ENOX1: variants seen among roughly 807,000 people sequenced by gnomAD.
The protein encoded by ENOX1 is candidate growth-related and time keeping constitutive hydroquinone (NADH) oxidase.
In ENOX1, 42 loss-of-function variants were observed where a neutral mutation model predicts 82.5. The observed-to-expected ratio is 0.51, with a 90% confidence interval of 0.40 to 0.66. The LOEUF (loss-of-function observed/expected upper bound fraction) is 0.66. ENOX1 is among the 30% of genes least tolerant of loss of function. The pLI is 0.00. For missense variants in ENOX1, 608 were observed against 811.6 expected, an observed-to-expected ratio of 0.75 and a Z score of 3.05; for synonymous variants, 271 against 282.2, an observed-to-expected ratio of 0.96 and a Z score of 0.40.
intron 1 of ENOX1, among the ~76,000 whole-genome samples, chr13:43,760,009 C>T (rs1164249043): frequency 6.6e-6 from 1 of 152,172 alleles, no homozygotes; most frequent in African/African-American, 2.4e-5. Flanking sequence ...AAATTATGCA[C>T]AATGGTGGAG....
At chr13:43,635,637 T>C (rs567340135) in intron 2 of ENOX1, among the ~76,000 whole-genome samples, 83 of 152,246 alleles carry the variant, frequency 5.5e-4, no homozygotes, top group African/African-American at 1.9e-3. Flanking sequence ...AATTATCCAA[T>C]ATAAAATATG....
chr13:43,333,022 T>G, intron 9 of ENOX1, among the ~76,000 whole-genome samples: 1 of 152,208 alleles, frequency 6.6e-6, no homozygotes, highest in Non-Finnish European at 1.5e-5. Flanking sequence ...ATGAGAAACC[T>G]TTTTTACTTA....
At chr13:43,466,389 A>C (rs1484061814) in intron 3 of ENOX1, among the ~76,000 whole-genome samples, 1 of 152,168 alleles carries the variant, frequency 6.6e-6, no homozygotes, top group East Asian at 1.9e-4. Context: ...TTAATATAAT[A>C]AAAAATTCCT....
At chr13:43,751,884 G>A (rs1950340552) in intron 1 of ENOX1, among the ~76,000 whole-genome samples, 1 of 152,058 alleles carries the variant, frequency 6.6e-6, no homozygotes, top group South Asian at 2.1e-4. Flanking sequence ...CTTTCCTCTT[G>A]GGGAAAAACT....
chr13:43,680,779 A>G (rs1028262173), intron 1 of ENOX1, among the ~76,000 whole-genome samples: 2 of 152,186 alleles, frequency 1.3e-5, no homozygotes, highest in African/African-American at 2.4e-5. Flanking sequence ...CAACCCATGA[A>G]CTATTTTTTT....
At chr13:43,615,439 C>A (rs1434662598) in intron 2 of ENOX1, among the ~76,000 whole-genome samples, 1 of 152,116 alleles carries the variant, frequency 6.6e-6, no homozygotes, top group Non-Finnish European at 1.5e-5. Context: ...CCGGGGCCCA[C>A]ACAGGCCCCT....
At chr13:43,645,482 A>G (rs1211082818) in intron 2 of ENOX1, among the ~76,000 whole-genome samples, 2 of 152,176 alleles carry the variant, frequency 1.3e-5, no homozygotes, top group African/African-American at 2.4e-5. Context: ...ATAAGATTCA[A>G]TTGGCATCAT....
At chr13:43,675,076 C>T (rs1323017467) in intron 1 of ENOX1, among the ~76,000 whole-genome samples, 1 of 152,126 alleles carries the variant, frequency 6.6e-6, no homozygotes, top group Admixed American at 6.5e-5. Context: ...CAAGAAGCCA[C>T]TGAATAGTTT....
chr13:43,464,401 A>C (rs1449816570), intron 3 of ENOX1, among the ~76,000 whole-genome samples: 1 of 152,140 alleles, frequency 6.6e-6, no homozygotes, highest in Non-Finnish European at 1.5e-5. Context: ...AGTACTTTTC[A>C]GAATATGTGA....
chr13:43,435,356 A>G (rs563463187), intron 3 of ENOX1, among the ~76,000 whole-genome samples: 2 of 152,242 alleles, frequency 1.3e-5, no homozygotes, highest in South Asian at 2.1e-4. Context: ...GTGATTGTAC[A>G]TTACATCCTC....
intron 7 of ENOX1, among the ~76,000 whole-genome samples, chr13:43,358,633 T>A (rs1288946670): frequency 6.6e-6 from 1 of 152,246 alleles, no homozygotes; most frequent in Non-Finnish European, 1.5e-5. Context: ...GGTTTCTATG[T>A]TGCAGGTGCC....
intron 1 of ENOX1, among the ~76,000 whole-genome samples, chr13:43,703,470 G>C (rs751007116): frequency 6.6e-6 from 1 of 152,132 alleles, no homozygotes; most frequent in African/African-American, 2.4e-5. Flanking sequence ...GGCAGCTTTA[G>C]ATAGTATTCT....
rs772064500 is a variant in ENOX1 at position 43,298,338 on chromosome 13, C to T, written c.1446+8G>A. ...CTCAAAAAAAAAAAAAAAATCTGGG[C>T]CAGGTACCTGCTGCATGCCTTGCAT... On this transcript the variant is annotated splice_region_variant and intron_variant, in intron 12 of 16. Transcript: ENST00000690772. The T allele has an allele frequency of 1.3e-6, 2 of 1,568,044 alleles. No individual in the cohort carries two copies. Among genetic ancestry groups the T allele is most frequent in the Admixed American group, 2.0e-5 (1 of 50,426 alleles).
intron 9 of ENOX1, among the ~76,000 whole-genome samples, chr13:43,338,695 T>C (rs1450535953): frequency 1.4e-5 from 2 of 139,476 alleles, no homozygotes; most frequent in Non-Finnish European, 3.1e-5. Flanking sequence ...TTTTTTTTTT[T>C]TTTTTTTTGA....
At chr13:43,381,406 G>A (rs1024787831) in intron 5 of ENOX1, among the ~76,000 whole-genome samples, 3 of 150,314 alleles carry the variant, frequency 2.0e-5, no homozygotes, top group African/African-American at 7.3e-5. Context: ...AAATGTTTAA[G>A]GCACTAAATG....
chr13:43,588,898 T>G (rs2081113322), intron 2 of ENOX1, among the ~76,000 whole-genome samples: 1 of 152,210 alleles, frequency 6.6e-6, no homozygotes, highest in Admixed American at 6.5e-5. Flanking sequence ...TTGGTGTCTC[T>G]TAACCATATG....
chr13:43,331,954 C>T (rs2048432803), intron 9 of ENOX1, among the ~76,000 whole-genome samples: 1 of 152,082 alleles, frequency 6.6e-6, no homozygotes, highest in African/African-American at 2.4e-5. Flanking sequence ...ACGGTCAAAC[C>T]CATACTTTAA....
chr13:43,487,974 T>C (rs893590452), intron 2 of ENOX1, among the ~76,000 whole-genome samples: 69 of 152,346 alleles, frequency 4.5e-4, no homozygotes, highest in African/African-American at 1.6e-3. Flanking sequence ...TCATCATTTA[T>C]AGATTTAACA....
intron 2 of ENOX1, among the ~76,000 whole-genome samples, chr13:43,597,529 C>G (rs2081523746): frequency 6.6e-6 from 1 of 152,160 alleles, no homozygotes; most frequent in African/African-American, 2.4e-5. Context: ...AGATTACAAC[C>G]ACATCTAACC....
Sources: allele counts gnomAD v4.1 joint callset (sites outside exome capture counted in the v4.1 genomes callset), GRCh38; gene constraint gnomAD v4.1.1; transcripts MANE v1.5; gene names NCBI Gene and HGNC (gene_info 2026-07-23, HGNC 2026-07-21).